Variants in BPTF observed in about 807,000 individuals in gnomAD.
BPTF encodes the protein bromodomain PHD finger transcription factor.
BPTF carries 18 observed loss-of-function variants against 292.5 expected under a neutral mutation model. The ratio of observed to expected loss-of-function variants is 0.06; its 90% CI spans 0.04 to 0.09. The LOEUF (loss-of-function observed/expected upper bound fraction) is 0.09, where lower values mean the gene tolerates loss of function less well. Ranked by LOEUF, BPTF falls within the 10% of genes least tolerant of loss-of-function variation. The pLI is 1.00. For synonymous variants in BPTF, 1,225 were observed against 1,251.9 expected (o/e 0.98, Z 0.45); for missense variants, 2,726 against 3,498.7 (o/e 0.78, Z 5.57).
intron 23 of BPTF, among the ~76,000 whole-genome samples, chr17:67,958,460 G>C (rs554294460): frequency 6.6e-6 from 1 of 152,252 alleles, no homozygotes; most frequent in Non-Finnish European, 1.5e-5. Flanking sequence ...AGGCAGTGTG[G>C]CTCACACCTG....
chr17:67,939,264 A>G (rs1158483051), intron 18 of BPTF, among the ~76,000 whole-genome samples: 1 of 152,242 alleles, frequency 6.6e-6, no homozygotes, highest in Non-Finnish European at 1.5e-5. Context: ...CATTTTACAT[A>G]TGTGCAGTAA....
intron 19 of BPTF, among the ~76,000 whole-genome samples, chr17:67,941,450 CT>C (rs1400519712): frequency 6.6e-6 from 1 of 151,968 alleles, no homozygotes; most frequent in African/African-American, 2.4e-5. Flanking sequence ...AAGACTTCAT[CT>C]AAAAAAAACC....
At chr17:67,863,692 C>T (rs2059222847) in intron 2 of BPTF, among the ~76,000 whole-genome samples, 1 of 152,180 alleles carries the variant, frequency 6.6e-6, no homozygotes, top group South Asian at 2.1e-4. Context: ...TCTCAAGATC[C>T]TTAACTTTAC....
Position 67,889,050 on chromosome 17 carries a change from C to T in BPTF, c.1865-2794C>T, listed in dbSNP as rs1479721227. On this transcript the variant is annotated intron_variant, in intron 4 of 27. Transcript: ENST00000306378. ...TTTATCTGTTTAGTAGGCCAATAGT[C>T]CTAGTCCTCAGGTGAAGAGTTTGTG... Among the ~76,000 whole-genome samples, 5 of 152,134 alleles carry T rather than the reference C, an allele frequency of 3.3e-5. No individual in the cohort carries two copies. The East Asian group carries it at 7.7e-4, about 23-fold the overall frequency.
chr17:67,866,740 G>C, intron 3 of BPTF, 53 bp downstream of exon 3: 2 of 1,457,668 alleles, frequency 1.4e-6, no homozygotes, highest in South Asian at 2.4e-5. Context: ...CTAAACCGTT[G>C]GTATGAAATC....
intron 18 of BPTF, among the ~76,000 whole-genome samples, chr17:67,934,889 A>AAG (rs10657309): frequency 2.6e-5 from 4 of 151,156 alleles, no homozygotes; most frequent in Admixed American, 6.6e-5. Context: ...AAAAAAAAAA[A>AAG]GCATGTAAGT....
intron 4 of BPTF, among the ~76,000 whole-genome samples, chr17:67,882,938 C>T (rs2060511241): frequency 6.8e-6 from 1 of 147,766 alleles, no homozygotes; most frequent in Admixed American, 6.9e-5. Context: ...GTAGAAGTTT[C>T]AGTCAACTGA....
At chr17:67,955,698 G>A (rs1276176349) in intron 23 of BPTF, 2 of 151,934 alleles carry the variant, frequency 1.3e-5, no homozygotes, top group African/African-American at 2.4e-5. Context: ...ATGGTGGCGG[G>A]CGCATGTAAT....
chr17:67,886,075 C>T (rs960813833), intron 4 of BPTF: 83 of 1,296,052 alleles, frequency 6.4e-5, no homozygotes, highest in Non-Finnish European at 8.6e-5. Context: ...TCTGACAATT[C>T]GTCATTTTTC....
At chr17:67,981,495 CTT>C (rs2070353909) in intron 27 of BPTF, 6 of 1,200,466 alleles carry the variant, frequency 5.0e-6, no homozygotes, top group Middle Eastern at 2.3e-4. Context: ...TGGGGTCACT[CTT>C]TGTTTTATTG....
chr17:67,963,223 T>A (rs1211405294), intron 24 of BPTF: 14 of 1,267,112 alleles, frequency 1.1e-5, no homozygotes, highest in Non-Finnish European at 1.5e-5. Context: ...GCTGACTCAT[T>A]GCAGGAAGTT....
At chr17:67,949,829 A>G (rs1555677523) in intron 23 of BPTF, among the ~76,000 whole-genome samples, 1 of 150,534 alleles carries the variant, frequency 6.6e-6, no homozygotes. Flanking sequence ...TGGCCGAGGC[A>G]GGTGGATCAC....
At chr17:67,865,268 A>G (rs2059333089) in intron 2 of BPTF, among the ~76,000 whole-genome samples, 1 of 152,234 alleles carries the variant, frequency 6.6e-6, no homozygotes, top group Non-Finnish European at 1.5e-5. Flanking sequence ...GTGATTTAAT[A>G]TAGGCCTTCT....
intron 26 of BPTF, chr17:67,974,729 T>C (rs1311998014): frequency 1.3e-5 from 2 of 152,466 alleles, no homozygotes; most frequent in Non-Finnish European, 2.9e-5. Flanking sequence ...GTGGAGAAGA[T>C]GCACGGGGCA....
intron 7 of BPTF, among the ~76,000 whole-genome samples, chr17:67,901,885 G>T (rs956328181): frequency 6.6e-6 from 1 of 152,190 alleles, no homozygotes; most frequent in Admixed American, 6.6e-5. Flanking sequence ...GAGGATATAG[G>T]GGGGTACTCC....
At chr17:67,869,102 C>T (rs1430869860) in intron 3 of BPTF, among the ~76,000 whole-genome samples, 1 of 152,148 alleles carries the variant, frequency 6.6e-6, no homozygotes, top group Non-Finnish European at 1.5e-5. Flanking sequence ...TTAATTTCAG[C>T]CAGCTTACTT....
chr17:67,856,420 T>G (rs1393978936), intron 2 of BPTF, among the ~76,000 whole-genome samples: 1 of 152,196 alleles, frequency 6.6e-6, no homozygotes, highest in Non-Finnish European at 1.5e-5. Flanking sequence ...CATGGTCTGT[T>G]TCTTCTAAGT....
chr17:67,937,999 G>C (rs1159891207), intron 18 of BPTF, among the ~76,000 whole-genome samples: 2 of 152,186 alleles, frequency 1.3e-5, no homozygotes, highest in Admixed American at 1.3e-4. Flanking sequence ...TGTAATCCCA[G>C]CTATTTGGGA....
At position 67,922,985 on chromosome 17, in the gene BPTF, T is replaced by G; in HGVS notation, c.5703T>G (p.Ala1901=). Residue 1901 remains alanine (A), a synonymous_variant, in exon 14 of 28, where the codon GCT becomes GCG. Transcript: ENST00000306378. ...AATTGTGGGAGATCAGGGCATTTGC[T>G]GAGAGGTAAGGAAATGGTTAATACC... ...ELELWEIRAF[A]ERVEKEKAQA... 1 of 1,613,242 alleles carries G rather than the reference T, an allele frequency of 6.2e-7. No individual in the cohort carries two copies. The highest frequency in any genetic ancestry group is 1.7e-4 in the Middle Eastern group (1 of 6,054).
Sources: allele counts gnomAD v4.1 joint callset (sites outside exome capture counted in the v4.1 genomes callset), GRCh38; gene constraint gnomAD v4.1.1; transcripts MANE v1.5; gene names NCBI Gene and HGNC (gene_info 2026-07-23, HGNC 2026-07-21).